Variants in KMT2C observed in about 807,000 individuals in gnomAD.
The protein encoded by KMT2C is lysine methyltransferase 2C.
KMT2C carries 88 observed loss-of-function variants against 507.9 expected under a neutral mutation model. That is an observed-to-expected ratio of 0.17 (90% CI 0.15 to 0.21). The LOEUF is 0.21. Ranked by LOEUF, KMT2C falls within the 10% of genes least tolerant of loss-of-function variation. The probability of loss-of-function intolerance (pLI) is 1.00; values close to 1 mark genes in which losing one functional copy is unlikely to be tolerated. For synonymous variants in KMT2C, 2,049 were observed against 2,080.8 expected (o/e 0.98, Z 0.42); for missense variants, 4,954 against 5,957.8 (o/e 0.83, Z 5.55).
intron 3 of KMT2C, among the ~76,000 whole-genome samples, chr7:152,321,067 C>G (rs1409817818): frequency 6.6e-6 from 1 of 151,840 alleles, no homozygotes; most frequent in Non-Finnish European, 1.5e-5. Flanking sequence ...AACCCCGTCT[C>G]TACTAAAAAT....
chr7:152,308,306 T>TA (rs2096638665), intron 6 of KMT2C, among the ~76,000 whole-genome samples: 1 of 152,188 alleles, frequency 6.6e-6, no homozygotes. Context: ...AAAGCCCATA[T>TA]AGTTTCTAAG....
chr7:152,300,642 C>CT (rs2096557674), intron 6 of KMT2C, among the ~76,000 whole-genome samples: 1 of 152,156 alleles, frequency 6.6e-6, no homozygotes, highest in Admixed American at 6.5e-5. Context: ...TAAATCTTAG[C>CT]CATTACAACC....
At chr7:152,318,340 AC>A (rs2096740679) in intron 3 of KMT2C, among the ~76,000 whole-genome samples, 1 of 152,020 alleles carries the variant, frequency 6.6e-6, no homozygotes, top group Admixed American at 6.6e-5. Flanking sequence ...GTGGTGGCAC[AC>A]ACCTGTAATC....
intron 40 of KMT2C, among the ~76,000 whole-genome samples, chr7:152,170,215 C>T (rs2092901821): frequency 6.6e-6 from 1 of 152,158 alleles, no homozygotes; most frequent in South Asian, 2.1e-4. Context: ...GCTATAAAGG[C>T]TATGCTTTTC....
intron 3 of KMT2C, among the ~76,000 whole-genome samples, chr7:152,319,792 T>C (rs1047491265): frequency 6.6e-6 from 1 of 152,180 alleles, no homozygotes; most frequent in Non-Finnish European, 1.5e-5. Flanking sequence ...AAGTCTCTGA[T>C]AAGCAGAAAT....
intron 1 of KMT2C, among the ~76,000 whole-genome samples, chr7:152,388,671 G>A (rs112870988): frequency 7.0e-3 from 961 of 136,508 alleles, no homozygotes; most frequent in African/African-American, 9.5e-3. Flanking sequence ...GGATTGTATG[G>A]CGAAAAAACA....
intron 6 of KMT2C, among the ~76,000 whole-genome samples, chr7:152,290,242 G>GTGTA (rs2096390260): frequency 7.1e-5 from 7 of 98,974 alleles, no homozygotes; most frequent in African/African-American, 3.3e-4. Flanking sequence ...GTGTGTGTGT[G>GTGTA]TGTGTGTGTG....
chr7:152,294,950 T>C (rs1379912296), intron 6 of KMT2C, among the ~76,000 whole-genome samples: 1 of 152,154 alleles, frequency 6.6e-6, no homozygotes, highest in African/African-American at 2.4e-5. Flanking sequence ...CACTGCTAGT[T>C]AGGAAAACTG....
chr7:152,426,331 G>A (rs2097819336), intron 1 of KMT2C, among the ~76,000 whole-genome samples: 1 of 148,048 alleles, frequency 6.8e-6, no homozygotes, highest in African/African-American at 2.5e-5. Context: ...TCCAACTCCT[G>A]GGCTCAAGCA....
At chr7:152,342,743 C>T (rs1300629300) in intron 2 of KMT2C, among the ~76,000 whole-genome samples, 2 of 152,298 alleles carry the variant, frequency 1.3e-5, no homozygotes, top group Non-Finnish European at 2.9e-5. Context: ...AGGAGCTCTA[C>T]CAGTTTCTCA....
intron 1 of KMT2C, among the ~76,000 whole-genome samples, chr7:152,374,953 ACTCC>A: frequency 6.6e-6 from 1 of 152,152 alleles, no homozygotes; most frequent in South Asian, 2.1e-4. Context: ...ATTTTTCAGA[ACTCC>A]TCGATTAAAA....
rs779292867 is a variant in KMT2C at position 152,177,506 on chromosome 7, C to T, written c.7947G>A (p.Leu2649=). 1.2e-5 allele frequency: 20 copies of T among 1,614,190 alleles called. No homozygotes were observed. The highest frequency in any genetic ancestry group is 1.6e-5 in the Non-Finnish European group (19 of 1,180,048). Residue 2649 remains leucine, a synonymous_variant, in exon 38 of 59, where the codon CTG becomes CTA. Coordinates refer to ENST00000262189, the MANE Select transcript of KMT2C (RefSeq NM_170606.3). ...VHSSSMVMRT[L]NHPLGGEFSE... The stretch of plus-strand genomic sequence containing the variant: ...AAAATTCACCACCTAGTGGATGGTT[C>T]AGAGTCCTCATGACCATAGAAGATG...
At position 152,162,811 on chromosome 7, in the gene KMT2C, A is replaced by G; in HGVS notation, c.10766T>C (p.Leu3589Pro). ...GATTATATCAGAATACAACTGAATG[A>G]GCGATTGGGTTGATCCCGGATAACT... ...GHSYPGSTQS[L>P]IQLYSDIIPE... Residue 3589 changes from leucine to proline, a missense_variant, in exon 43 of 59, where the codon CTC (leucine) becomes CCC (proline). Physicochemically the swap from Leu to Pro is moderately conservative, Grantham distance 98. Coordinates refer to ENST00000262189, the MANE Select transcript of KMT2C (RefSeq NM_170606.3). The G allele has an allele frequency of 6.2e-7, 1 of 1,613,996 alleles. No homozygotes were observed. Among genetic ancestry groups the G allele is most frequent in the Non-Finnish European group, 8.5e-7 (1 of 1,179,994 alleles).
chr7:152,149,818 G>T (rs1014953145), intron 51 of KMT2C, among the ~76,000 whole-genome samples: 2 of 152,088 alleles, frequency 1.3e-5, no homozygotes, highest in African/African-American at 4.8e-5. Context: ...CCCACAGGCT[G>T]CCCTCTTTTC....
intron 6 of KMT2C, among the ~76,000 whole-genome samples, chr7:152,303,122 T>C (rs2096585895): frequency 1.3e-5 from 2 of 152,196 alleles, no homozygotes; most frequent in African/African-American, 4.8e-5. Context: ...GATTCACTGT[T>C]TGCCATGTTC....
chr7:152,216,061 C>A (rs1267731164), intron 23 of KMT2C, among the ~76,000 whole-genome samples: 1 of 152,172 alleles, frequency 6.6e-6, no homozygotes, highest in South Asian at 2.1e-4. Flanking sequence ...TCCATTCAGT[C>A]TGCCCCACCT....
intron 3 of KMT2C, among the ~76,000 whole-genome samples, chr7:152,330,169 T>TGGGGGGG (rs376494504): frequency 9.8e-5 from 4 of 41,010 alleles, no homozygotes; most frequent in Non-Finnish European, 1.7e-4. Context: ...GGAGGGGTGG[T>TGGGGGGG]GGGGGGGGGG....
intron 44 of KMT2C, among the ~76,000 whole-genome samples, chr7:152,157,378 C>T (rs1467366195): frequency 4.0e-5 from 6 of 150,852 alleles, no homozygotes; most frequent in African/African-American, 1.5e-4. Context: ...GTAATTAATA[C>T]CTAAATTATT....
At chr7:152,417,800 C>T (rs1005434324) in intron 1 of KMT2C, among the ~76,000 whole-genome samples, 3 of 151,816 alleles carry the variant, frequency 2.0e-5, no homozygotes, top group East Asian at 1.9e-4. Context: ...TGCCACCACA[C>T]CCAGCTAATT....
Sources: gnomAD v4.1 joint callset for allele counts (sites outside exome capture counted in the v4.1 genomes callset) on GRCh38, gnomAD v4.1.1 for gene constraint, MANE v1.5 for transcripts, NCBI Gene and HGNC (gene_info 2026-07-23, HGNC 2026-07-21) for gene names.